Variants in KIAA1217 observed in about 807,000 individuals in gnomAD.
KIAA1217 encodes the protein KIAA1217.
A neutral mutation model predicts 163.9 loss-of-function variants in KIAA1217; 88 were observed. The observed-to-expected ratio is 0.54, with a 90% CI of 0.45 to 0.64. The LOEUF is 0.64. KIAA1217 is among the 30% of genes least tolerant of loss of function. The probability of loss-of-function intolerance (pLI) is 0.00; values close to 1 mark genes in which losing one functional copy is unlikely to be tolerated. For missense variants in KIAA1217, 2,372 were observed against 2,475.0 expected (o/e 0.96, Z 0.88); for synonymous variants, 903 against 923.1 (o/e 0.98, Z 0.39).
chr10:24,432,259 A>G (rs980731435), intron 3 of KIAA1217, among the ~76,000 whole-genome samples: 2 of 151,792 alleles, frequency 1.3e-5, no homozygotes, highest in Non-Finnish European at 2.9e-5. Context: ...CTGGGATTAC[A>G]GGCATGTGCC....
At chr10:24,370,370 A>T (rs967520358) in intron 2 of KIAA1217, among the ~76,000 whole-genome samples, 11 of 152,080 alleles carry the variant, frequency 7.2e-5, no homozygotes, top group Non-Finnish European at 1.6e-4. Context: ...TATAGGTACT[A>T]TGATTAGCTT....
intron 3 of KIAA1217, among the ~76,000 whole-genome samples, chr10:24,400,074 G>T (rs916748149): frequency 2.0e-5 from 3 of 152,142 alleles, no homozygotes; most frequent in Non-Finnish European, 2.9e-5. Flanking sequence ...ATAGCCTAGA[G>T]GTTCAAATAA....
chr10:24,537,293 C>T (rs903586970), intron 17 of KIAA1217, among the ~76,000 whole-genome samples: 2 of 151,950 alleles, frequency 1.3e-5, no homozygotes, highest in African/African-American at 4.8e-5. Context: ...AGGTAAAAAT[C>T]GGCTGGGTGC....
At chr10:24,308,815 G>GGAAT (rs1334354475) in intron 2 of KIAA1217, among the ~76,000 whole-genome samples, 1 of 152,018 alleles carries the variant, frequency 6.6e-6, no homozygotes, top group Non-Finnish European at 1.5e-5. Context: ...CGTATTTGTT[G>GGAAT]GAATGAATGA....
rs920228719 is a variant in KIAA1217 at position 23,852,027 on chromosome 10, C to T, written c.-320-155198C>T. ...GAAGCTCTTTCATTTAATTAGATCCCATTTGTCAATTTTGGCTTTTGTTAC... is the reference window on the plus strand; with the variant it reads ...GAAGCTCTTTCATTTAATTAGATCCTATTTGTCAATTTTGGCTTTTGTTAC... On this transcript the variant is annotated intron_variant, in intron 1 of 18. Coordinates refer to the KIAA1217 transcript ENST00000376462. 1.8e-4 allele frequency among the ~76,000 whole-genome samples: 27 copies of T among 152,250 alleles called. 1 individual carries two copies. The highest frequency in any genetic ancestry group is 6.5e-4 in the African/African-American group (27 of 41,546).
At chr10:24,393,883 G>A (rs1355575224) in intron 3 of KIAA1217, among the ~76,000 whole-genome samples, 1 of 152,174 alleles carries the variant, frequency 6.6e-6, no homozygotes, top group African/African-American at 2.4e-5. Flanking sequence ...AATTGTGGCA[G>A]CCTGAACAAA....
chr10:24,211,361 C>CTCTTT (rs1375635189), intron 1 of KIAA1217, among the ~76,000 whole-genome samples: 1 of 60,204 alleles, frequency 1.7e-5, no homozygotes, highest in African/African-American at 6.5e-5. Context: ...GGTGGGACTA[C>CTCTTT]TTTTTTTTTT....
intron 1 of KIAA1217, among the ~76,000 whole-genome samples, chr10:23,822,054 A>ATT (rs1271152745): frequency 3.9e-5 from 6 of 152,184 alleles, no homozygotes; most frequent in Non-Finnish European, 7.3e-5. Context: ...GAGCGGGTGC[A>ATT]GGCACCACAG....
intron 2 of KIAA1217, among the ~76,000 whole-genome samples, chr10:24,332,907 G>T (rs1177842418): frequency 6.6e-6 from 1 of 152,036 alleles, no homozygotes; most frequent in East Asian, 1.9e-4. Context: ...AGGGAAGGAG[G>T]AATTTAGGAT....
intron 2 of KIAA1217, among the ~76,000 whole-genome samples, chr10:24,258,576 G>C (rs1478841974): frequency 6.6e-6 from 1 of 151,798 alleles, no homozygotes; most frequent in Non-Finnish European, 1.5e-5. Context: ...TGTCACTCAG[G>C]GGCTTACTTC....
intron 6 of KIAA1217, among the ~76,000 whole-genome samples, chr10:24,488,222 C>T (rs1044798060): frequency 4.9e-4 from 75 of 152,098 alleles, no homozygotes; most frequent in African/African-American, 1.6e-3. Context: ...TGTATAGTGC[C>T]AAATTTCTGT....
intron 1 of KIAA1217, among the ~76,000 whole-genome samples, chr10:23,826,299 G>A (rs1242773457): frequency 2.0e-5 from 3 of 152,040 alleles, no homozygotes; most frequent in Non-Finnish European, 4.4e-5. Flanking sequence ...GAAAACAGTA[G>A]CATCTTATTA....
At chr10:24,278,854 C>CT (rs11288814) in intron 2 of KIAA1217, among the ~76,000 whole-genome samples, 100,630 of 140,762 alleles carry the variant, frequency 0.71, 37,748 homozygotes, top group Non-Finnish European at 0.83. Flanking sequence ...ACTCAGATTA[C>CT]TTTTTTTTTT....
At chr10:24,404,856 GAA>G (rs950180292) in intron 3 of KIAA1217, among the ~76,000 whole-genome samples, 5 of 151,674 alleles carry the variant, frequency 3.3e-5, no homozygotes, top group African/African-American at 7.3e-5. Context: ...GCTCAGTGAG[GAA>G]AAAAGAAAAA....
chr10:24,212,967 C>T (rs1018802686), intron 1 of KIAA1217, among the ~76,000 whole-genome samples: 2 of 152,052 alleles, frequency 1.3e-5, no homozygotes, highest in South Asian at 4.2e-4. Flanking sequence ...ATAAGGATCC[C>T]TAGGGTGATC....
At chr10:24,487,742 C>T (rs555737130) in intron 6 of KIAA1217, among the ~76,000 whole-genome samples, 27 of 152,304 alleles carry the variant, frequency 1.8e-4, no homozygotes, top group Middle Eastern at 3.4e-3. Context: ...GTTACAGACT[C>T]TTTCCTGACT....
intron 1 of KIAA1217, among the ~76,000 whole-genome samples, chr10:23,962,214 G>C (rs1376717425): frequency 1.3e-5 from 2 of 152,154 alleles, no homozygotes; most frequent in Non-Finnish European, 2.9e-5. Flanking sequence ...TGAAGAGCCT[G>C]GATTAGAATA....
chr10:24,190,847 C>A (rs2066683579), intron 2 of KIAA1217, among the ~76,000 whole-genome samples: 3 of 151,580 alleles, frequency 2.0e-5, no homozygotes, highest in African/African-American at 7.3e-5. Flanking sequence ...AAGAGCAGAT[C>A]ATTCCAGGGA....
intron 1 of KIAA1217, among the ~76,000 whole-genome samples, chr10:23,974,403 A>C (rs1845450976): frequency 6.6e-6 from 1 of 152,144 alleles, no homozygotes; most frequent in Non-Finnish European, 1.5e-5. Flanking sequence ...GTGATATTGG[A>C]CAAATAGCTA....
Sources: allele counts gnomAD v4.1 joint callset (sites outside exome capture counted in the v4.1 genomes callset), GRCh38; gene constraint gnomAD v4.1.1; transcripts MANE v1.5; gene names NCBI Gene and HGNC (gene_info 2026-07-23, HGNC 2026-07-21).